Variants in PIGX observed in about 807,000 individuals in gnomAD.
The protein encoded by PIGX is GPI alpha-1,4-mannosyltransferase I, stabilizing subunit.
PIGX carries 24 observed loss-of-function variants against 28.7 expected under a neutral mutation model. The ratio of observed to expected loss-of-function variants is 0.84; its 90% CI spans 0.60 to 1.17. PIGX has a LOEUF of 1.17. PIGX is among the 50% of genes most tolerant of loss of function. PIGX has a pLI of 0.00. For missense variants in PIGX, 305 were observed against 317.8 expected (o/e 0.96, Z 0.31); for synonymous variants, 127 against 121.0 (o/e 1.05, Z -0.33).
At chr3:196,728,820 T>C in intron 4 of PIGX, 1 of 762,086 alleles carries the variant, frequency 1.3e-6, no homozygotes, top group Non-Finnish European at 2.4e-6. Context: ...TGTGTTTCTT[T>C]TTGCAGCCAT....
intron 3 of PIGX, chr3:196,726,626 A>G (rs934074571): frequency 1.8e-5 from 8 of 455,378 alleles, no homozygotes; most frequent in African/African-American, 1.4e-4. Context: ...ATGAGAACCC[A>G]GGAGAACTGT....
intron 4 of PIGX, among the ~76,000 whole-genome samples, chr3:196,729,650 G>C (rs1387173574): frequency 6.6e-6 from 1 of 151,198 alleles, no homozygotes; most frequent in Non-Finnish European, 1.5e-5. Flanking sequence ...GCCTCCCAAA[G>C]TGCTGGGATT....
At chr3:196,726,343 A>G (rs1712521342) in intron 3 of PIGX, among the ~76,000 whole-genome samples, 1 of 152,056 alleles carries the variant, frequency 6.6e-6, no homozygotes, top group African/African-American at 2.4e-5. Context: ...GCTCATGCCT[A>G]TTATCCCAGC....
chr3:196,734,069 G>T lies in PIGX; in HGVS notation c.*167G>T. Reference sequence around the variant, plus strand: ...CATTCTCAGCTAATTCCAAAATGTAGTGCTCTATTGCATGGATCCTTGGTA... The same window carrying T: ...CATTCTCAGCTAATTCCAAAATGTATTGCTCTATTGCATGGATCCTTGGTA... On this transcript the variant is annotated 3_prime_UTR_variant, in exon 6 of 6. Coordinates refer to ENST00000392391, the MANE Select transcript of PIGX (RefSeq NM_017861.4). The T allele has an allele frequency of 1.7e-6, 1 of 574,352 alleles. No homozygotes were observed. Among genetic ancestry groups the T allele is most frequent in the South Asian group, 2.3e-5 (1 of 43,996 alleles). 35.6% of individuals were successfully genotyped at this position (574,352 alleles called of 1,614,324 possible). A position where few individuals can be genotyped will look rare whatever the true frequency, so the allele number is the denominator to read the frequency against.
At chr3:196,725,005 G>C (rs188681698) in intron 3 of PIGX, among the ~76,000 whole-genome samples, 1 of 152,302 alleles carries the variant, frequency 6.6e-6, no homozygotes, top group African/African-American at 2.4e-5. Flanking sequence ...AGGAGTTTGT[G>C]ATGGTTTGTG....
rs1412027060 is a variant in PIGX, at chr3:196,714,725, G to A, written c.112+2081G>A. ...TCTGCCTGCCTCCCCCTCCCAAAGT[G>A]CTGGGATTACAGGCATGAGTCACTG... On this transcript the variant is annotated intron_variant, in intron 1 of 5. Coordinates refer to ENST00000392391, the MANE Select transcript of PIGX (RefSeq NM_017861.4). Among the ~76,000 whole-genome samples the A allele has an allele frequency of 2.6e-5, 4 of 152,336 alleles. No homozygotes were observed. The East Asian group carries it at 7.7e-4, about 29-fold the overall frequency.
chr3:196,732,836 T>A (rs1712869042), intron 5 of PIGX, among the ~76,000 whole-genome samples: 1 of 152,160 alleles, frequency 6.6e-6, no homozygotes, highest in Non-Finnish European at 1.5e-5. Context: ...AAGTATAAAC[T>A]TTCCCAGTGT....
intron 1 of PIGX, among the ~76,000 whole-genome samples, chr3:196,714,141 C>T (rs868490718): frequency 2.1e-4 from 32 of 152,164 alleles, no homozygotes; most frequent in African/African-American, 6.5e-4. Flanking sequence ...CCCACCCTAC[C>T]CCCATTAAAA....
chr3:196,715,721 G>T (rs943330460), intron 1 of PIGX, among the ~76,000 whole-genome samples: 2 of 152,168 alleles, frequency 1.3e-5, no homozygotes, highest in African/African-American at 4.8e-5. Context: ...GTCTGGCTTT[G>T]TCACCCAGGC....
Position 196,712,648 on chromosome 3 carries a change from AG to A in PIGX, c.112+10del, listed in dbSNP as rs1172473640. On this transcript the variant is annotated splice_donor_5th_base_variant and intron_variant, in intron 1 of 5. Coordinates refer to ENST00000392391, the MANE Select transcript of PIGX (RefSeq NM_017861.4). ...ACCGCCGCGCGCTCTGACGCCGGTA[AG>A]GGGGGCGGGGCTTGGGGGGCCAGAG... 1 of 1,181,012 alleles carries A rather than the reference AG, an allele frequency of 8.5e-7. No homozygotes were observed. The highest frequency in any genetic ancestry group is 1.0e-6 in the Non-Finnish European group (1 of 955,434). The allele number at this position is 1,181,012 out of a possible 1,614,324, so 73.2% of individuals were successfully genotyped here.
intron 1 of PIGX, among the ~76,000 whole-genome samples, chr3:196,713,846 A>G (rs1389270280): frequency 6.6e-6 from 1 of 151,756 alleles, no homozygotes; most frequent in Non-Finnish European, 1.5e-5. Context: ...CAAAAAAAAA[A>G]AAAAAAAGGA....
Position 196,730,995 on chromosome 3 carries a change from T to C in PIGX, c.536T>C (p.Phe179Ser), listed in dbSNP as rs758576036. The C allele has an allele frequency of 2.5e-6, 4 of 1,602,978 alleles. No individual in the cohort carries two copies. In the Admixed American group the frequency reaches 6.7e-5, roughly 27 times the overall value. Reference sequence around the variant, plus strand: ...CATTTTCTACCACTTTTCTCAGAGTTCCCGATTTTGAAATGCTGGGCTCAC... The same window carrying C: ...CATTTTCTACCACTTTTCTCAGAGTCCCCGATTTTGAAATGCTGGGCTCAC... Residue 179 changes from phenylalanine to serine, a missense_variant, in exon 5 of 6, where the codon TTC becomes TCC. Coordinates refer to ENST00000392391, the MANE Select transcript of PIGX (RefSeq NM_017861.4).
chr3:196,730,872 C>T, intron 4 of PIGX, 120 bp from the exon 5 acceptor site: 1 of 537,280 alleles, frequency 1.9e-6, no homozygotes, highest in African/African-American at 1.9e-5. Context: ...TAGATGGGTC[C>T]AGATCATATA....
chr3:196,732,247 TATATATATATTTTATTTTATTTTA>T lies in PIGX; in HGVS notation c.633+1156_633+1179del, dbSNP rs1560080662. On this transcript the variant is annotated intron_variant, in intron 5 of 5. Transcript: ENST00000392391. ...ATATATATATATATATATATATATA[TATATATATATTTTATTTTATTTTA>T]TTTTTTTTTTTATTTTATTTTTTTT... is the stretch of plus-strand genomic sequence containing the variant. 1.4e-3 allele frequency among the ~76,000 whole-genome samples: 54 copies of T among 39,708 alleles called. 2 individuals carry two copies. Among genetic ancestry groups the T allele is most frequent in the African/African-American group, 3.8e-3 (27 of 7,098 alleles). The allele number at this position is 39,708 out of a possible 152,430, so 26.0% of individuals were successfully genotyped here. A position where few individuals can be genotyped will look rare whatever the true frequency, so the allele number is the denominator to read the frequency against.
In PIGX at chr3:196,715,254, A is replaced by G. The variant is rs1246396076; in HGVS notation, c.113-1604A>G. Among the ~76,000 whole-genome samples the G allele has an allele frequency of 3.3e-5, 5 of 152,310 alleles. No homozygotes were observed. The South Asian group carries it at 1.0e-3, about 32-fold the overall frequency. ...TTTTTCAGTGAAATGTAACTAGACA[A>G]ATTCTCGAAGAGCTGTAACACTAAA... On this transcript the variant is annotated intron_variant, in intron 1 of 5. Transcript: ENST00000392391.
intron 5 of PIGX, among the ~76,000 whole-genome samples, chr3:196,732,234 A>T (rs1474567712): frequency 1.0e-4 from 6 of 59,982 alleles, no homozygotes; most frequent in African/African-American, 4.8e-4. Flanking sequence ...ATATATATAT[A>T]TATATATATA....
chr3:196,720,070 G>A (rs1354524060), intron 2 of PIGX, among the ~76,000 whole-genome samples: 5 of 152,200 alleles, frequency 3.3e-5, no homozygotes, highest in African/African-American at 4.8e-5. Context: ...GAGCCACCGC[G>A]CCCGGCCTAA....
At chr3:196,713,429 A>G (rs1366674819) in intron 1 of PIGX, among the ~76,000 whole-genome samples, 1 of 151,726 alleles carries the variant, frequency 6.6e-6, no homozygotes, top group African/African-American at 2.4e-5. Flanking sequence ...CAGCCTCCCA[A>G]GTAGCTGGGA....
intron 4 of PIGX, among the ~76,000 whole-genome samples, chr3:196,730,339 A>G (rs1308081109): frequency 6.6e-6 from 1 of 152,196 alleles, no homozygotes; most frequent in Non-Finnish European, 1.5e-5. Context: ...TTTCATATGG[A>G]AATTTATCGA....
Sources: gnomAD v4.1 joint callset for allele counts (sites outside exome capture counted in the v4.1 genomes callset) on GRCh38, gnomAD v4.1.1 for gene constraint, MANE v1.5 for transcripts, NCBI Gene and HGNC (gene_info 2026-07-23, HGNC 2026-07-21) for gene names.